Variants in MSANTD2 observed in about 807,000 individuals in gnomAD.
MSANTD2 encodes myb/SANT-like DNA-binding domain-containing protein 2.
In MSANTD2, 19 loss-of-function variants were observed where a neutral mutation model predicts 52.6. The observed-to-expected ratio is 0.36, with a 90% CI of 0.25 to 0.53. The LOEUF (loss-of-function observed/expected upper bound fraction) is 0.53. MSANTD2 is among the 20% of genes least tolerant of loss of function. MSANTD2 has a pLI of 0.91. For missense variants in MSANTD2, 558 were observed against 716.3 expected (o/e 0.78, Z 2.52); for synonymous variants, 291 against 289.7 (o/e 1.00, Z -0.04).
chr11:124,782,640 A>C (rs919629939), intron 1 of MSANTD2, among the ~76,000 whole-genome samples: 21 of 152,230 alleles, frequency 1.4e-4, no homozygotes, highest in African/African-American at 5.1e-4. Flanking sequence ...TTTCCTAAGA[A>C]GTTATTTCAC....
chr11:124,773,127 A>C (rs1314567325), intron 2 of MSANTD2, 73 bp from the exon 3 acceptor site: 2 of 817,886 alleles, frequency 2.4e-6, no homozygotes, highest in Non-Finnish European at 4.2e-6. Flanking sequence ...ATAAGTAGCT[A>C]TGTTTACTGA....
intron 1 of MSANTD2, among the ~76,000 whole-genome samples, chr11:124,786,414 C>T (rs1409938936): frequency 6.6e-6 from 1 of 152,194 alleles, no homozygotes; most frequent in African/African-American, 2.4e-5. Context: ...ACCATTTACA[C>T]ATTAGGTAAA....
intron 1 of MSANTD2, among the ~76,000 whole-genome samples, chr11:124,778,554 G>A (rs1210525042): frequency 1.3e-5 from 2 of 152,184 alleles, no homozygotes; most frequent in Non-Finnish European, 2.9e-5. Context: ...AACCTGGACT[G>A]AAGAACTAAA....
At chr11:124,791,805 C>G in intron 1 of MSANTD2, 5 of 544,442 alleles carry the variant, frequency 9.2e-6, no homozygotes, top group South Asian at 7.5e-5. Flanking sequence ...GATCCCCCGC[C>G]AGGGGCAGGT....
intron 1 of MSANTD2, chr11:124,783,730 C>G: frequency 9.1e-6 from 9 of 985,174 alleles, no homozygotes; most frequent in Non-Finnish European, 1.1e-5. Context: ...TTCTAGGTTC[C>G]TTCATGCTAG....
Position 124,767,207 on chromosome 11 carries a change from G to A in MSANTD2, c.1649C>T (p.Ala550Val). The A allele has an allele frequency of 1.2e-6, 2 of 1,610,882 alleles. No homozygotes were observed. The highest frequency in any genetic ancestry group is 1.7e-6 in the Non-Finnish European group (2 of 1,179,058). The change falls in exon 4 of 4, where the codon GCC (alanine) becomes GTC (valine). Residue 550 changes from alanine (A) to valine (V), a missense_variant. By Grantham distance (64) the Ala-to-Val change is moderately conservative. Transcript: ENST00000374979. The surrounding 1 kb of genome is among the most constrained non-coding windows in gnomAD (Gnocchi z 6.5). ...AGSLVECLEK[A>V]IGYPLKFNN ...GTTAAATTTTAAGGGGTATCCAATG[G>A]CTTTTTCCAGGCACTCAACTAAAGA...
intron 3 of MSANTD2, among the ~76,000 whole-genome samples, chr11:124,772,566 T>C (rs1390504258): frequency 6.6e-6 from 1 of 151,844 alleles, no homozygotes; most frequent in Non-Finnish European, 1.5e-5. Flanking sequence ...TGAAACCCCA[T>C]CTCTACTAAA....
chr11:124,767,641 C>A lies in MSANTD2; in HGVS notation c.1215G>T (p.Gly405=). 1.9e-6 allele frequency: 3 copies of A among 1,614,226 alleles called. No individual in the cohort carries two copies. The highest frequency in any genetic ancestry group is 2.5e-6 in the Non-Finnish European group (3 of 1,180,040). ...CAGGCAATAAATATTGAACAACATT[C>A]CCACCAGTTGGTTTGGAGTGGGCAA... is the stretch of plus-strand genomic sequence containing the variant. The part of the protein sequence containing the change: ...IPIAHSKPTG[G]NVVQYLLPGG... Residue 405 remains glycine, a synonymous_variant, in exon 4 of 4, where the codon GGG becomes GGT. Coordinates refer to ENST00000374979, the MANE Select transcript of MSANTD2 (RefSeq NM_001308027.2). This position sits in a 1 kb window ranked among gnomAD's most constrained non-coding sequence, Gnocchi z 6.5.
intron 1 of MSANTD2, among the ~76,000 whole-genome samples, chr11:124,782,400 C>A (rs1759106285): frequency 6.6e-6 from 1 of 152,006 alleles, no homozygotes. Flanking sequence ...TGCATTGAGC[C>A]ATGATCACGC....
chr11:124,769,266 A>T (rs1465102669), intron 3 of MSANTD2, among the ~76,000 whole-genome samples: 1 of 152,208 alleles, frequency 6.6e-6, no homozygotes, highest in Non-Finnish European at 1.5e-5. Flanking sequence ...CAGAGAATTA[A>T]TATTTTGTTA....
chr11:124,798,203 C>G (rs1945555805), intron 1 of MSANTD2, among the ~76,000 whole-genome samples: 1 of 142,550 alleles, frequency 7.0e-6, no homozygotes, highest in Non-Finnish European at 1.5e-5. Flanking sequence ...GAGCTAAAAC[C>G]AGCCTGAGCA....
At position 124,786,695 on chromosome 11, in the gene MSANTD2, T is replaced by C. The variant is rs531479244; in HGVS notation, c.511-11721A>G. ...TCAGGACTTCCAAATCTCCTTGTGT[T>C]TCTAATCTTAGGAAACGATAAATTA... On this transcript the variant is annotated intron_variant, in intron 1 of 3. Transcript: ENST00000374979. Among the ~76,000 whole-genome samples the C allele has an allele frequency of 6.6e-5, 10 of 152,346 alleles. No homozygotes were observed. In the South Asian group the frequency reaches 2.1e-3, roughly 32 times the overall value.
chr11:124,771,086 T>C (rs1227152038), intron 3 of MSANTD2, among the ~76,000 whole-genome samples: 2 of 152,100 alleles, frequency 1.3e-5, no homozygotes, highest in Non-Finnish European at 2.9e-5. Flanking sequence ...CAGGCTGCTC[T>C]CAAACTCCTG....
At chr11:124,791,458 G>A in intron 1 of MSANTD2, 1 of 1,174,960 alleles carries the variant, frequency 8.5e-7, no homozygotes, top group Non-Finnish European at 1.3e-6. Context: ...CTCCCCACCT[G>A]CACTGGGAGG....
In MSANTD2 at chr11:124,772,980, A is replaced by G. The variant is rs1317997648; in HGVS notation, c.827+14T>C. On this transcript the variant is annotated intron_variant, in intron 3 of 3. Coordinates refer to ENST00000374979, the MANE Select transcript of MSANTD2 (RefSeq NM_001308027.2). ...GGCAGACACACTTTCTGGAAAGGTG[A>G]AGCATCTACTTACTGTGCTTCTTCA... 6.6e-7 allele frequency: 1 copy of G among 1,515,874 alleles called. No individual in the cohort carries two copies. Among genetic ancestry groups the G allele is most frequent in the Non-Finnish European group, 9.2e-7 (1 of 1,091,406 alleles). 93.9% of individuals were successfully genotyped at this position (1,515,874 alleles called of 1,614,324 possible).
Position 124,774,972 on chromosome 11 carries a change from G to A in MSANTD2, c.513C>T (p.Thr171=), listed in dbSNP as rs758073361. Residue 171 remains threonine, a splice_region_variant and synonymous_variant, in exon 2 of 4, where the codon ACC becomes ACT. Transcript: ENST00000374979. This position sits in a 1 kb window ranked among gnomAD's most constrained non-coding sequence, Gnocchi z 5.1. ...TCACCCGACTGTAACACCTGCGAAGGGTCTAAGACACAAAGTCTTTTGTTA... is the reference window on the plus strand; with the variant it reads ...TCACCCGACTGTAACACCTGCGAAGAGTCTAAGACACAAAGTCTTTTGTTA... The part of the protein sequence containing the change: ...TPSQCRERIK[T]LRRCYSRVKE... 1.9e-6 allele frequency: 3 copies of A among 1,546,002 alleles called. No individual in the cohort carries two copies. The highest frequency in any genetic ancestry group is 2.6e-6 in the Non-Finnish European group (3 of 1,150,610).
chr11:124,772,947 T>C (rs1446624925), intron 3 of MSANTD2, 47 bp downstream of exon 3: 4 of 1,229,204 alleles, frequency 3.3e-6, no homozygotes, highest in East Asian at 2.3e-5. Context: ...CAATGGTCAT[T>C]AAACTTAGGC....
intron 1 of MSANTD2, chr11:124,784,486 C>A (rs867108265): frequency 1.7e-5 from 17 of 983,978 alleles, no homozygotes; most frequent in South Asian, 1.4e-4. Context: ...AATTAAACCC[C>A]CCCCCCGCCA....
In MSANTD2 at chr11:124,791,302, G is replaced by A. The variant is rs187633949; in HGVS notation, c.510+8569C>T. 66 of 1,441,848 alleles carry A rather than the reference G, an allele frequency of 4.6e-5. No individual in the cohort carries two copies. The East Asian group carries it at 1.4e-3, about 31-fold the overall frequency. The allele number at this position is 1,441,848 out of a possible 1,614,324, so 89.3% of individuals were successfully genotyped here. On this transcript the variant is annotated intron_variant, in intron 1 of 3. Coordinates refer to ENST00000374979, the MANE Select transcript of MSANTD2 (RefSeq NM_001308027.2). The stretch of plus-strand genomic sequence containing the variant: ...CATGCCCTCCTAGAACTGTCCCTGT[G>A]GCTGGAGGGTCTCCAGGAGAGAGAC...
Sources: allele counts gnomAD v4.1 joint callset (sites outside exome capture counted in the v4.1 genomes callset), GRCh38; gene constraint gnomAD v4.1.1; non-coding constraint Gnocchi (gnomAD v3.1); transcripts MANE v1.5; gene names NCBI Gene and HGNC (gene_info 2026-07-23, HGNC 2026-07-21).